CNTN4: variants seen among roughly 807,000 people sequenced by gnomAD.
The protein encoded by CNTN4 is contactin 4.
A neutral mutation model predicts 122.5 loss-of-function variants in CNTN4; 77 were observed. The observed-to-expected ratio is 0.63, with a 90% confidence interval of 0.52 to 0.76. The LOEUF is 0.76. Among genes scored for constraint, CNTN4 ranks in the 30% least tolerant of loss-of-function variants. The pLI is 0.00. For missense variants in CNTN4, 1,256 were observed against 1,259.1 expected (o/e 1.00, Z 0.04); for synonymous variants, 512 against 447.0 (o/e 1.15, Z -1.83).
chr3:2,651,274 T>C (rs2083346805), intron 4 of CNTN4, among the ~76,000 whole-genome samples: 1 of 152,072 alleles, frequency 6.6e-6, no homozygotes, highest in African/African-American at 2.4e-5. Flanking sequence ...TAGAAAAAAA[T>C]ATTCCCTTAG....
intron 2 of CNTN4, among the ~76,000 whole-genome samples, chr3:2,209,491 G>T (rs1470171412): frequency 6.6e-6 from 1 of 152,034 alleles, no homozygotes; most frequent in African/African-American, 2.4e-5. Flanking sequence ...CATCATCTAC[G>T]TGTATAATGG....
chr3:2,814,137 C>G (rs2092675698), intron 6 of CNTN4, among the ~76,000 whole-genome samples: 1 of 152,174 alleles, frequency 6.6e-6, no homozygotes, highest in African/African-American at 2.4e-5. Flanking sequence ...ATCCTTAGCA[C>G]ATGGCTGTTG....
At chr3:2,653,283 A>C (rs2083446659) in intron 4 of CNTN4, among the ~76,000 whole-genome samples, 1 of 152,146 alleles carries the variant, frequency 6.6e-6, no homozygotes, top group African/African-American at 2.4e-5. Context: ...AAACTCAATA[A>C]ATAAGTTTTA....
intron 2 of CNTN4, among the ~76,000 whole-genome samples, chr3:2,234,554 T>A (rs527778113): frequency 2.0e-5 from 3 of 152,230 alleles, no homozygotes; most frequent in African/African-American, 7.2e-5. Flanking sequence ...GCTGATTCTA[T>A]TAAGAAAATT....
chr3:2,862,737 G>A (rs1345938756), intron 7 of CNTN4, among the ~76,000 whole-genome samples: 1 of 151,896 alleles, frequency 6.6e-6, no homozygotes, highest in Non-Finnish European at 1.5e-5. Context: ...ACTTTTGCGA[G>A]TTGCAGCACA....
chr3:2,127,233 C>G (rs1458892078), intron 2 of CNTN4, among the ~76,000 whole-genome samples: 1 of 152,092 alleles, frequency 6.6e-6, no homozygotes. Context: ...ATCACAGCCC[C>G]AATGTGCTGT....
At chr3:2,770,314 C>T (rs1052378067) in intron 6 of CNTN4, among the ~76,000 whole-genome samples, 2 of 152,168 alleles carry the variant, frequency 1.3e-5, no homozygotes, top group Non-Finnish European at 2.9e-5. Flanking sequence ...AGGCGTGAGC[C>T]ACCGTTTCCG....
chr3:2,711,747 C>T (rs528132879), intron 4 of CNTN4, among the ~76,000 whole-genome samples: 1 of 152,196 alleles, frequency 6.6e-6, no homozygotes, highest in East Asian at 1.9e-4. Flanking sequence ...TGGGACCAGG[C>T]AATACTCATA....
intron 4 of CNTN4, among the ~76,000 whole-genome samples, chr3:2,593,234 T>A (rs1409287525): frequency 6.6e-6 from 1 of 152,244 alleles, no homozygotes; most frequent in African/African-American, 2.4e-5. Context: ...TTTTGGTGGT[T>A]GTTGACTGGC....
intron 13 of CNTN4, among the ~76,000 whole-genome samples, chr3:2,957,962 G>A (rs2094816910): frequency 6.6e-6 from 1 of 152,152 alleles, no homozygotes; most frequent in Admixed American, 6.5e-5. Context: ...TCAGTAATGG[G>A]ATTCCTGGGT....
intron 8 of CNTN4, among the ~76,000 whole-genome samples, chr3:2,877,564 T>C (rs2093858965): frequency 6.6e-6 from 1 of 152,236 alleles, no homozygotes; most frequent in South Asian, 2.1e-4. Flanking sequence ...TGAGGTTGTA[T>C]ATTTTGGTTG....
chr3:2,246,775 C>T (rs914700716), intron 2 of CNTN4, among the ~76,000 whole-genome samples: 1 of 151,818 alleles, frequency 6.6e-6, no homozygotes, highest in Non-Finnish European at 1.5e-5. Context: ...CTAAAAGAGG[C>T]ATAGATGAAG....
chr3:2,905,083 C>T lies in CNTN4; in HGVS notation c.1207+2078C>T, dbSNP rs181483673. Among the ~76,000 whole-genome samples the T allele has an allele frequency of 1.1e-4, 16 of 152,274 alleles. No homozygotes were observed. The East Asian group carries it at 2.9e-3, about 28-fold the overall frequency. ...AAACCACTCTGCACAGCCCTCCCCT[C>T]TCTCCCTCTAGTACTAGGATTCAAG... is the stretch of plus-strand genomic sequence containing the variant. On this transcript the variant is annotated intron_variant, in intron 12 of 24. Coordinates refer to ENST00000418658, the MANE Select transcript of CNTN4 (RefSeq NM_175607.3).
At chr3:2,669,987 T>A (rs2084407318) in intron 4 of CNTN4, among the ~76,000 whole-genome samples, 1 of 152,222 alleles carries the variant, frequency 6.6e-6, no homozygotes, top group Non-Finnish European at 1.5e-5. Flanking sequence ...TTCTTTTACA[T>A]TTGCTGAGGA....
intron 14 of CNTN4, among the ~76,000 whole-genome samples, chr3:3,023,825 G>C (rs1200495627): frequency 1.3e-5 from 2 of 152,180 alleles, no homozygotes; most frequent in African/African-American, 4.8e-5. Flanking sequence ...ACTACACATA[G>C]GAGTGTAAAT....
intron 4 of CNTN4, among the ~76,000 whole-genome samples, chr3:2,581,213 G>A (rs1404990387): frequency 1.3e-5 from 2 of 152,000 alleles, no homozygotes; most frequent in Admixed American, 6.6e-5. Flanking sequence ...TACCAGCCTG[G>A]GTTTCTACTC....
At chr3:3,017,034 G>A (rs555435734) in intron 14 of CNTN4, among the ~76,000 whole-genome samples, 9 of 152,234 alleles carry the variant, frequency 5.9e-5, no homozygotes, top group East Asian at 1.9e-4. Context: ...GGTATGAATC[G>A]ATGAAAAACC....
At chr3:2,193,297 A>AAT (rs1305310145) in intron 2 of CNTN4, among the ~76,000 whole-genome samples, 2 of 152,056 alleles carry the variant, frequency 1.3e-5, no homozygotes, top group Admixed American at 6.6e-5. Flanking sequence ...ACTTGTCCTA[A>AAT]AGCCTCATTA....
At chr3:3,019,847 A>G (rs1417409680) in intron 14 of CNTN4, among the ~76,000 whole-genome samples, 2 of 149,472 alleles carry the variant, frequency 1.3e-5, no homozygotes, top group Non-Finnish European at 3.0e-5. Context: ...TATATTGTAT[A>G]TGGGGGAGAA....
Sources: gnomAD v4.1 joint callset for allele counts (sites outside exome capture counted in the v4.1 genomes callset) on GRCh38, gnomAD v4.1.1 for gene constraint, MANE v1.5 for transcripts, NCBI Gene and HGNC (gene_info 2026-07-23, HGNC 2026-07-21) for gene names.